Variants in ZNF804B observed in about 807,000 individuals in gnomAD.
ZNF804B encodes the protein zinc finger 804B.
ZNF804B carries 80 observed loss-of-function variants against 101.4 expected under a neutral mutation model. That is an observed-to-expected ratio of 0.79 (90% CI 0.66 to 0.95). The LOEUF (loss-of-function observed/expected upper bound fraction) is 0.95. Ranked by LOEUF, ZNF804B falls within the 40% of genes least tolerant of loss-of-function variation. ZNF804B has a pLI of 0.00. For synonymous variants in ZNF804B, 622 were observed against 558.8 expected (o/e 1.11, Z -1.59); for missense variants, 1,673 against 1,561.9 (o/e 1.07, Z -1.20).
chr7:89,007,590 A>C lies in ZNF804B; in HGVS notation c.109-210565A>C, dbSNP rs558781883. On this transcript the variant is annotated intron_variant, in intron 1 of 3. Coordinates refer to ENST00000333190, the MANE Select transcript of ZNF804B (RefSeq NM_181646.5). ...ATAATTATATATAATATATATTTAT[A>C]TATTATAATTATATATGATTATATA... Among the ~76,000 whole-genome samples the C allele has an allele frequency of 4.9e-3, 645 of 130,824 alleles. 9 individuals are homozygous for C. Among genetic ancestry groups the C allele is most frequent in the African/African-American group, 0.017 (579 of 34,142 alleles). The allele number at this position is 130,824 out of a possible 152,430, so 85.8% of individuals were successfully genotyped here. A position where few individuals can be genotyped will look rare whatever the true frequency, so the allele number is the denominator to read the frequency against.
chr7:89,190,452 G>A (rs558882668), intron 1 of ZNF804B, among the ~76,000 whole-genome samples: 1 of 152,132 alleles, frequency 6.6e-6, no homozygotes, highest in South Asian at 2.1e-4. Flanking sequence ...TTATGAATGA[G>A]CAAAGAAAGT....
rs184418324 is a variant in ZNF804B, at chr7:88,937,244, C to T, written c.108+177160C>T. ...GGGGAAGGCCAAATCTCTGATAGTC[C>T]GCTGGCATTCTGGCATTAGATACCG... On this transcript the variant is annotated intron_variant, in intron 1 of 3. Coordinates refer to ENST00000333190, the MANE Select transcript of ZNF804B (RefSeq NM_181646.5). 9.8e-4 allele frequency among the ~76,000 whole-genome samples: 149 copies of T among 151,924 alleles called. 1 individual carries two copies. Among genetic ancestry groups the T allele is most frequent in the Middle Eastern group, 3.4e-3 (1 of 294 alleles).
intron 1 of ZNF804B, among the ~76,000 whole-genome samples, chr7:88,985,200 T>C (rs1388050681): frequency 2.0e-5 from 3 of 151,172 alleles, no homozygotes; most frequent in African/African-American, 7.3e-5. Flanking sequence ...TATTGAAAAC[T>C]GGATTTTTAA....
At chr7:89,038,468 A>C (rs1788962107) in intron 1 of ZNF804B, among the ~76,000 whole-genome samples, 1 of 152,086 alleles carries the variant, frequency 6.6e-6, no homozygotes, top group South Asian at 2.1e-4. Context: ...TATTCTTTTG[A>C]GAAACATTTA....
chr7:88,802,885 A>G (rs2115715402), intron 1 of ZNF804B, among the ~76,000 whole-genome samples: 1 of 152,284 alleles, frequency 6.6e-6, no homozygotes. Context: ...GGATTTTGCA[A>G]TTGCCAGTTA....
intron 1 of ZNF804B, among the ~76,000 whole-genome samples, chr7:89,171,288 G>GCTGCTGCTGCTGCTGCTTCTT (rs1215246589): frequency 2.2e-3 from 185 of 82,520 alleles, no homozygotes; most frequent in Non-Finnish European, 3.6e-3. Context: ...TGCTGCTGCT[G>GCTGCTGCTGCTGCTGCTTCTT]CTTCTTCTTC....
intron 2 of ZNF804B, among the ~76,000 whole-genome samples, chr7:89,260,887 C>A (rs1789703446): frequency 6.6e-6 from 1 of 152,168 alleles, no homozygotes; most frequent in African/African-American, 2.4e-5. Flanking sequence ...GGGAACACTT[C>A]CAGCATCACT....
At chr7:89,069,122 C>T (rs1457502043) in intron 1 of ZNF804B, among the ~76,000 whole-genome samples, 3 of 152,164 alleles carry the variant, frequency 2.0e-5, no homozygotes, top group African/African-American at 7.2e-5. Flanking sequence ...GGTGATTCTC[C>T]AGGACTGGCT....
intron 1 of ZNF804B, among the ~76,000 whole-genome samples, chr7:88,999,504 G>T (rs1192625404): frequency 1.3e-5 from 2 of 151,924 alleles, no homozygotes; most frequent in African/African-American, 4.8e-5. Context: ...ACACTTTGTA[G>T]TCTACTCTGT....
intron 1 of ZNF804B, among the ~76,000 whole-genome samples, chr7:88,796,531 A>G (rs1034506682): frequency 1.3e-5 from 2 of 152,128 alleles, no homozygotes; most frequent in African/African-American, 4.8e-5. Flanking sequence ...TTGTTGGAAG[A>G]AAGTGTCCAT....
intron 1 of ZNF804B, among the ~76,000 whole-genome samples, chr7:89,117,672 AATTAT>A (rs1269751595): frequency 2.0e-5 from 3 of 152,168 alleles, no homozygotes; most frequent in African/African-American, 7.2e-5. Flanking sequence ...ACTAAATTGT[AATTAT>A]ATTATACTTG....
At chr7:88,875,054 T>C (rs992655370) in intron 1 of ZNF804B, among the ~76,000 whole-genome samples, 1 of 131,222 alleles carries the variant, frequency 7.6e-6, no homozygotes, top group Non-Finnish European at 1.6e-5. Flanking sequence ...TGCTCCTGAA[T>C]GACTACTGGG....
chr7:89,171,353 T>TTCCTCC lies in ZNF804B; in HGVS notation c.109-46800_109-46799insCTCCTC, dbSNP rs1562904560. 6.8e-3 allele frequency among the ~76,000 whole-genome samples: 640 copies of TTCCTCC among 93,644 alleles called. 4 individuals carry two copies. Among genetic ancestry groups the TTCCTCC allele is most frequent in the African/African-American group, 0.011 (288 of 25,062 alleles). The allele number at this position is 93,644 out of a possible 152,430, so 61.4% of individuals were successfully genotyped here. On this transcript the variant is annotated intron_variant, in intron 1 of 3. Transcript: ENST00000333190. The stretch of plus-strand genomic sequence containing the variant: ...CTTCTTCTTCTTCTTCTTCTTCTTC[T>TTCCTCC]TCTTCCTCCTCTTCCTCTTCTTCCT...
At chr7:88,976,559 A>G (rs1049455056) in intron 1 of ZNF804B, among the ~76,000 whole-genome samples, 2 of 151,624 alleles carry the variant, frequency 1.3e-5, no homozygotes, top group African/African-American at 2.4e-5. Flanking sequence ...GCATATGGAA[A>G]TGCTACTGGT....
chr7:89,259,355 T>C (rs1354856990), intron 2 of ZNF804B, among the ~76,000 whole-genome samples: 1 of 152,242 alleles, frequency 6.6e-6, no homozygotes, highest in Non-Finnish European at 1.5e-5. Flanking sequence ...CACAATCTCT[T>C]TTATGATTTC....
At chr7:89,001,651 C>A (rs913799936) in intron 1 of ZNF804B, among the ~76,000 whole-genome samples, 1 of 151,798 alleles carries the variant, frequency 6.6e-6, no homozygotes, top group Admixed American at 6.6e-5. Context: ...GAAGATGAGG[C>A]TTTGATAATT....
chr7:89,138,007 G>A (rs1219225934), intron 1 of ZNF804B, among the ~76,000 whole-genome samples: 1 of 152,160 alleles, frequency 6.6e-6, no homozygotes, highest in African/African-American at 2.4e-5. Context: ...GAGGGTGCAA[G>A]CCCGAGCCTT....
At chr7:88,862,503 A>G (rs1339526883) in intron 1 of ZNF804B, among the ~76,000 whole-genome samples, 1 of 152,200 alleles carries the variant, frequency 6.6e-6, no homozygotes, top group East Asian at 1.9e-4. Flanking sequence ...AGCTGTAGCT[A>G]ATACTATAGA....
chr7:88,781,561 C>T (rs10233066), intron 1 of ZNF804B, among the ~76,000 whole-genome samples: 3,439 of 152,244 alleles, frequency 0.023, 121 homozygotes, highest in African/African-American at 0.078. Flanking sequence ...AAGTGTGGGC[C>T]AGCAGACTAT....
Sources: allele counts gnomAD v4.1 joint callset (sites outside exome capture counted in the v4.1 genomes callset), GRCh38; gene constraint gnomAD v4.1.1; transcripts MANE v1.5; gene names NCBI Gene and HGNC (gene_info 2026-07-23, HGNC 2026-07-21).